The following CFAP61 variants were observed in gnomAD, a reference collection of about 807,000 sequenced individuals.
CFAP61 encodes the protein cilia and flagella associated protein 61, also known as cilia- and flagella-associated protein 61.
In CFAP61, 107 loss-of-function variants were observed where a neutral mutation model predicts 135.6. The observed-to-expected ratio is 0.79, with a 90% CI of 0.67 to 0.93. The LOEUF is 0.93. Among genes scored for constraint, CFAP61 ranks in the 40% least tolerant of loss-of-function variants. CFAP61 has a pLI of 0.00. For synonymous variants in CFAP61, 575 were observed against 578.5 expected, an observed-to-expected ratio of 0.99 and a Z score of 0.09; for missense variants, 1,507 against 1,556.2, an observed-to-expected ratio of 0.97 and a Z score of 0.53.
chr20:20,352,407 G>A (rs1412709177), intron 26 of CFAP61, among the ~76,000 whole-genome samples: 3 of 152,134 alleles, frequency 2.0e-5, no homozygotes, highest in Non-Finnish European at 4.4e-5. Context: ...CGACAGACAC[G>A]TGGGGATTAC....
chr20:20,267,394 G>A (rs1235721877), intron 21 of CFAP61: 1 of 152,552 alleles, frequency 6.6e-6, no homozygotes, highest in Non-Finnish European at 1.5e-5. Context: ...AGCTGACCAG[G>A]CGGGTGCCGC....
chr20:20,147,553 C>G (rs978087780), intron 9 of CFAP61, among the ~76,000 whole-genome samples: 1 of 152,108 alleles, frequency 6.6e-6, no homozygotes, highest in Non-Finnish European at 1.5e-5. Context: ...TGAAAAATAT[C>G]TATTCATGCC....
At chr20:20,073,032 T>C (rs6046593) in intron 3 of CFAP61, among the ~76,000 whole-genome samples, 115,981 of 152,148 alleles carry the variant, frequency 0.76, 44,583 homozygotes, top group East Asian at 0.92. Flanking sequence ...TAATGCAGTA[T>C]CTATCCCAGG....
At chr20:20,353,699 C>T (rs751200551) in intron 26 of CFAP61, among the ~76,000 whole-genome samples, 8 of 152,040 alleles carry the variant, frequency 5.3e-5, no homozygotes, top group Admixed American at 1.3e-4. Flanking sequence ...CAGGAAGCTA[C>T]GAGGACTTAC....
Position 20,356,577 on chromosome 20 carries a change from G to A in CFAP61, c.3514-3633G>A, listed in dbSNP as rs1602180480. ...GAGGGGAGGTGGTCATAGTGTGAGG[G>A]GAGGTGGTCACACTGGGGAGGTGGT... On this transcript the variant is annotated intron_variant, in intron 26 of 26. Coordinates refer to ENST00000245957, the MANE Select transcript of CFAP61 (RefSeq NM_015585.4). Among the ~76,000 whole-genome samples the A allele has an allele frequency of 5.9e-5, 5 of 84,596 alleles. 1 individual carries two copies. Among genetic ancestry groups the A allele is most frequent in the African/African-American group, 1.7e-4 (4 of 23,620 alleles). 55.5% of individuals were successfully genotyped at this position (84,596 alleles called of 152,430 possible).
rs1343180764 is a variant in CFAP61, at chr20:20,199,695, A to C, written c.1798-73A>C. The C allele has an allele frequency of 1.2e-5, 19 of 1,528,038 alleles. No individual in the cohort carries two copies. In the East Asian group the frequency reaches 4.3e-4, roughly 35 times the overall value. 94.7% of individuals were successfully genotyped at this position (1,528,038 alleles called of 1,614,324 possible). ...CCGAGTTAAGAGTTTTGTATTTGTA[A>C]AGCTGTACGCAGACATCTGTGCTGA... is the stretch of plus-strand genomic sequence containing the variant. On this transcript the variant is annotated intron_variant, in intron 16 of 26. Coordinates refer to ENST00000245957, the MANE Select transcript of CFAP61 (RefSeq NM_015585.4).
At chr20:20,108,992 T>C (rs1337337099) in intron 8 of CFAP61, among the ~76,000 whole-genome samples, 2 of 152,248 alleles carry the variant, frequency 1.3e-5, no homozygotes, top group Non-Finnish European at 2.9e-5. Context: ...CAGTTACTTG[T>C]CATATTGTCT....
At chr20:20,289,959 G>A (rs892709129) in intron 23 of CFAP61, among the ~76,000 whole-genome samples, 4 of 152,360 alleles carry the variant, frequency 2.6e-5, no homozygotes, top group African/African-American at 9.6e-5. Flanking sequence ...TAGGAATGCT[G>A]TTTGCAACAT....
chr20:20,085,196 T>A (rs1324106876), intron 6 of CFAP61: 1 of 985,334 alleles, frequency 1.0e-6, no homozygotes. Flanking sequence ...AAATTCACAG[T>A]GGCTCTCCTT....
chr20:20,345,479 G>A (rs1490246443), intron 26 of CFAP61, among the ~76,000 whole-genome samples: 7 of 152,156 alleles, frequency 4.6e-5, no homozygotes, highest in African/African-American at 1.7e-4. Flanking sequence ...CTTCAGGGAA[G>A]TATACAAGTT....
intron 21 of CFAP61, among the ~76,000 whole-genome samples, chr20:20,269,467 G>A (rs1286242975): frequency 1.3e-5 from 2 of 151,934 alleles, no homozygotes; most frequent in African/African-American, 2.4e-5. Context: ...TGCCTCTCAG[G>A]CTCAAGTGAT....
intron 25 of CFAP61, among the ~76,000 whole-genome samples, chr20:20,337,275 T>G (rs1215929129): frequency 3.9e-4 from 8 of 20,776 alleles, no homozygotes; most frequent in Non-Finnish European, 1.9e-3. Context: ...AATGGGTGGG[T>G]GGATGGATGG....
chr20:20,169,301 C>T lies in CFAP61; in HGVS notation c.1246-20C>T. 2.5e-6 allele frequency: 4 copies of T among 1,593,584 alleles called. No homozygotes were observed. Among genetic ancestry groups the T allele is most frequent in the Non-Finnish European group, 1.7e-6 (2 of 1,167,530 alleles). Reference sequence around the variant, plus strand: ...ATTTTTTTTATTCTTTCTCTGTGTCCTGGTTTTTGATGATGTTAGGATAAG... The same window carrying T: ...ATTTTTTTTATTCTTTCTCTGTGTCTTGGTTTTTGATGATGTTAGGATAAG... On this transcript the variant is annotated intron_variant, in intron 12 of 26. Coordinates refer to ENST00000245957, the MANE Select transcript of CFAP61 (RefSeq NM_015585.4).
At chr20:20,089,421 T>G (rs1037280355) in intron 6 of CFAP61, among the ~76,000 whole-genome samples, 2 of 151,744 alleles carry the variant, frequency 1.3e-5, no homozygotes, top group African/African-American at 2.4e-5. Context: ...ACTCAGTAGA[T>G]GGAGCTGCTA....
chr20:20,101,592 G>A (rs201535275), intron 8 of CFAP61, among the ~76,000 whole-genome samples: 1 of 149,698 alleles, frequency 6.7e-6, no homozygotes, highest in Non-Finnish European at 1.5e-5. Flanking sequence ...GATACATGAT[G>A]AGTTTTTTCA....
intron 20 of CFAP61, among the ~76,000 whole-genome samples, chr20:20,259,245 C>CTTT (rs3060665): frequency 1.2e-4 from 9 of 75,944 alleles, no homozygotes; most frequent in Admixed American, 1.8e-4. Flanking sequence ...GCCCTTCCAT[C>CTTT]TTTTTTTTTT....
chr20:20,171,890 AGAGCTAGCTCGGAGCAC>A, intron 13 of CFAP61: 2 of 639,494 alleles, frequency 3.1e-6, no homozygotes, highest in Non-Finnish European at 5.7e-6. Context: ...CCTTGTGCTC[AGAGCTAGCTCGGAGCAC>A]CGTAGCCACA....
intron 20 of CFAP61, among the ~76,000 whole-genome samples, chr20:20,258,915 G>A (rs970540187): frequency 1.3e-5 from 2 of 152,178 alleles, no homozygotes; most frequent in Non-Finnish European, 2.9e-5. Context: ...GGGTCAGTTA[G>A]TAGGGAGGTG....
chr20:20,351,490 G>C (rs1400429844), intron 26 of CFAP61, among the ~76,000 whole-genome samples: 1 of 151,416 alleles, frequency 6.6e-6, no homozygotes, highest in East Asian at 1.9e-4. Context: ...GCTGAGGCAG[G>C]AGAATCTCTT....
Sources: gnomAD v4.1 joint callset for allele counts (sites outside exome capture counted in the v4.1 genomes callset) on GRCh38, gnomAD v4.1.1 for gene constraint, MANE v1.5 for transcripts, NCBI Gene and HGNC (gene_info 2026-07-23, HGNC 2026-07-21) for gene names.